Variants in ELMO1 observed in about 807,000 individuals in gnomAD.
ELMO1 encodes the protein engulfment and cell motility protein 1.
Under a neutral mutation model 98.9 loss-of-function variants are expected in ELMO1, and 26 were observed. That is an observed-to-expected ratio of 0.26 (90% CI 0.19 to 0.36). The LOEUF (loss-of-function observed/expected upper bound fraction) is 0.36. ELMO1 is among the 10% of genes least tolerant of loss of function. The pLI is 1.00. For missense variants in ELMO1, 627 were observed against 935.2 expected, an observed-to-expected ratio of 0.67 and a Z score of 4.30; for synonymous variants, 346 against 346.0, an observed-to-expected ratio of 1.00 and a Z score of 0.00.
chr7:37,089,360 A>G (rs986372938), intron 15 of ELMO1, among the ~76,000 whole-genome samples: 7 of 152,166 alleles, frequency 4.6e-5, no homozygotes, highest in African/African-American at 1.4e-4. Flanking sequence ...TTTTTTTTAA[A>G]AAAAAACCCA....
At chr7:37,094,186 C>T (rs373846280) in intron 15 of ELMO1, among the ~76,000 whole-genome samples, 24 of 152,170 alleles carry the variant, frequency 1.6e-4, no homozygotes, top group African/African-American at 3.6e-4. Flanking sequence ...TTTGACAATG[C>T]CAGGCCTCAG....
chr7:37,376,409 T>C (rs1802347731), intron 1 of ELMO1, among the ~76,000 whole-genome samples: 1 of 152,230 alleles, frequency 6.6e-6, no homozygotes, highest in Non-Finnish European at 1.5e-5. Context: ...GAAGTCATGT[T>C]GCCAGAAGTT....
chr7:37,304,125 A>C (rs1319790794), intron 4 of ELMO1, among the ~76,000 whole-genome samples: 1 of 152,190 alleles, frequency 6.6e-6, no homozygotes, highest in Non-Finnish European at 1.5e-5. Flanking sequence ...GATAGCTCCC[A>C]TCCAGTTCCC....
intron 4 of ELMO1, among the ~76,000 whole-genome samples, chr7:37,312,914 A>G (rs765011755): frequency 1.1e-4 from 17 of 152,190 alleles, no homozygotes; most frequent in Non-Finnish European, 2.2e-4. Context: ...CTACTCTACT[A>G]TGTTCCAGTG....
At chr7:37,321,096 CAA>C (rs1489277057) in intron 2 of ELMO1, among the ~76,000 whole-genome samples, 1 of 152,144 alleles carries the variant, frequency 6.6e-6, no homozygotes, top group Non-Finnish European at 1.5e-5. Flanking sequence ...TAAGCATGAC[CAA>C]AGAGGTGAGC....
chr7:37,044,543 C>T (rs888530919), intron 15 of ELMO1, among the ~76,000 whole-genome samples: 2 of 152,180 alleles, frequency 1.3e-5, no homozygotes, highest in African/African-American at 2.4e-5. Flanking sequence ...GACCAGCCCT[C>T]CCCATGTGGA....
Position 37,342,800 on chromosome 7 carries a change from T to G in ELMO1, c.-73-37A>C. On this transcript the variant is annotated intron_variant, in intron 1 of 21. Coordinates refer to ENST00000310758, the MANE Select transcript of ELMO1 (RefSeq NM_014800.11). This position sits in a 1 kb window ranked among gnomAD's most constrained non-coding sequence, Gnocchi z 4.3. ...TGACAGAAAAAGAAAGAGAAGTCAC[T>G]CAGTGCAGATGCAGGGTGAATTTTG... 1 of 1,003,880 alleles carries G rather than the reference T, an allele frequency of 1.0e-6. No homozygotes were observed. The highest frequency in any genetic ancestry group is 1.6e-5 in the South Asian group (1 of 63,728). 62.2% of individuals were successfully genotyped at this position (1,003,880 alleles called of 1,614,324 possible).
rs140870529 is a variant in ELMO1, at chr7:36,975,152, A to G, written c.1437+38147T>C. ...ATTTTAAAAACTATATGTATCGCTCAGACATTTTTAAGTCAACAGATGAAA... is the reference window on the plus strand; with the variant it reads ...ATTTTAAAAACTATATGTATCGCTCGGACATTTTTAAGTCAACAGATGAAA... On this transcript the variant is annotated intron_variant, in intron 16 of 21. Transcript: ENST00000310758. Among the ~76,000 whole-genome samples the G allele has an allele frequency of 1.6e-4, 24 of 152,350 alleles. No homozygotes were observed. In the East Asian group the frequency reaches 3.1e-3, roughly 20 times the overall value.
Position 37,432,656 on chromosome 7 carries a change from A to G in ELMO1, c.-74+16019T>C, listed in dbSNP as rs567681699. On this transcript the variant is annotated intron_variant, in intron 1 of 21. Transcript: ENST00000310758. ...AAGGCCACGGTGCTCTCAGAATGTA[A>G]TAAACGAAATGTGGGTAACCACACA... is the stretch of plus-strand genomic sequence containing the variant. 3.3e-5 allele frequency among the ~76,000 whole-genome samples: 5 copies of G among 152,366 alleles called. No homozygotes were observed. The East Asian group carries it at 7.7e-4, about 24-fold the overall frequency.
At chr7:36,856,118 T>C (rs1802178950) in intron 21 of ELMO1, among the ~76,000 whole-genome samples, 1 of 152,176 alleles carries the variant, frequency 6.6e-6, no homozygotes, top group African/African-American at 2.4e-5. Context: ...GTCTATGACT[T>C]TTAGGTACTG....
At chr7:37,388,648 A>T (rs141797735) in intron 1 of ELMO1, among the ~76,000 whole-genome samples, 1 of 151,080 alleles carries the variant, frequency 6.6e-6, no homozygotes, top group Non-Finnish European at 1.5e-5. Flanking sequence ...CACACAAAAG[A>T]CTGCCACCAG....
At chr7:36,967,740 C>T (rs1016508154) in intron 16 of ELMO1, among the ~76,000 whole-genome samples, 2 of 152,050 alleles carry the variant, frequency 1.3e-5, no homozygotes, top group Non-Finnish European at 2.9e-5. Flanking sequence ...GATGGAAACA[C>T]GAAATAAAAA....
At chr7:37,377,760 A>G (rs1023146488) in intron 1 of ELMO1, among the ~76,000 whole-genome samples, 7 of 152,098 alleles carry the variant, frequency 4.6e-5, no homozygotes, top group Admixed American at 3.9e-4. Context: ...CCCCTCCTCC[A>G]AGGCTGTTTG....
Position 37,262,360 on chromosome 7 carries a change from T to C in ELMO1, c.244-3010A>G. Among the ~76,000 whole-genome samples, 2 of 152,178 alleles carry C rather than the reference T, an allele frequency of 1.3e-5. 1 individual carries two copies. The highest frequency in any genetic ancestry group is 3.9e-4 in the East Asian group (2 of 5,192). ...ATGTAAGAATAGCAAAGCAATATCCTAACTTGCTGGGATCTTAGCCAAGGA... is the reference window on the plus strand; with the variant it reads ...ATGTAAGAATAGCAAAGCAATATCCCAACTTGCTGGGATCTTAGCCAAGGA... On this transcript the variant is annotated intron_variant, in intron 5 of 21. Transcript: ENST00000310758.
chr7:37,384,062 A>G (rs1265494361), intron 1 of ELMO1, among the ~76,000 whole-genome samples: 2 of 152,054 alleles, frequency 1.3e-5, no homozygotes, highest in South Asian at 2.1e-4. Flanking sequence ...TGATCCACCC[A>G]CCTCGGCCTC....
chr7:37,096,581 G>C (rs1360271471), intron 15 of ELMO1, 38 bp downstream of exon 15: 1 of 1,573,132 alleles, frequency 6.4e-7, no homozygotes, highest in Admixed American at 1.7e-5. Flanking sequence ...CTGGGACTCT[G>C]CCAGCTTCAC....
intron 8 of ELMO1, among the ~76,000 whole-genome samples, chr7:37,228,176 G>A (rs1259410358): frequency 6.6e-6 from 1 of 152,128 alleles, no homozygotes; most frequent in Non-Finnish European, 1.5e-5. Flanking sequence ...AATAACCAAC[G>A]CATCAGGGCT....
At chr7:36,888,099 C>A (rs1266281479) in intron 17 of ELMO1, among the ~76,000 whole-genome samples, 1 of 152,136 alleles carries the variant, frequency 6.6e-6, no homozygotes, top group Non-Finnish European at 1.5e-5. Context: ...TATTAGGCAA[C>A]CACACGATTA....
chr7:36,944,664 C>T (rs1053766631), intron 16 of ELMO1, among the ~76,000 whole-genome samples: 4 of 152,166 alleles, frequency 2.6e-5, no homozygotes, highest in Non-Finnish European at 4.4e-5. Flanking sequence ...TTGAAGTCAA[C>T]GGGACTTCAC....
Sources: gnomAD v4.1 joint callset for allele counts (sites outside exome capture counted in the v4.1 genomes callset) on GRCh38, gnomAD v4.1.1 for gene constraint, Gnocchi (gnomAD v3.1) non-coding constraint, MANE v1.5 for transcripts, NCBI Gene and HGNC (gene_info 2026-07-23, HGNC 2026-07-21) for gene names.